Variants in MBLAC1 observed in about 807,000 individuals in gnomAD.
MBLAC1 encodes the protein metallo-beta-lactamase domain containing 1, also known as metallo-beta-lactamase domain-containing protein 1.
MBLAC1 carries 1 observed loss-of-function variant against 1.5 expected under a neutral mutation model. That is an observed-to-expected ratio of 0.68 (90% confidence interval 0.24 to 3.21). MBLAC1 has a LOEUF of 3.21. Ranked by LOEUF, MBLAC1 falls within the 30% of genes most tolerant of loss-of-function variation. The pLI is 0.20. For synonymous variants in MBLAC1, 197 were observed against 191.3 expected (o/e 1.03, Z -0.25); for missense variants, 371 against 384.7 (o/e 0.96, Z 0.30).
chr7:100,127,417 G>T lies in MBLAC1; in HGVS notation c.22G>T (p.Gly8Trp). The part of the protein sequence containing the change: MRTEPLC[G>W]ASPLLVPGDP... Reference sequence around the variant, plus strand: ...CCTCATGCGGACCGAGCCGCTGTGCGGGGCATCCCCTCTGCTGGTGCCCGG... The same window carrying T: ...CCTCATGCGGACCGAGCCGCTGTGCTGGGCATCCCCTCTGCTGGTGCCCGG... Residue 8 changes from glycine to tryptophan, a missense_variant, in exon 2 of 2, where the codon GGG becomes TGG. Transcript: ENST00000398075. This position sits in a 1 kb window ranked among gnomAD's most constrained non-coding sequence, Gnocchi z 4.6. 1.3e-6 allele frequency: 2 copies of T among 1,593,098 alleles called. No individual in the cohort carries two copies. Among genetic ancestry groups the T allele is most frequent in the Non-Finnish European group, 8.5e-7 (1 of 1,177,444 alleles).
chr7:100,128,354 T>A lies in MBLAC1; in HGVS notation c.*158T>A. ...TGCACCTGACACTGCCATCACATCG[T>A]CAGTATCACTGCCTGTCTCTGCCAC... On this transcript the variant is annotated 3_prime_UTR_variant, in exon 2 of 2. Coordinates refer to ENST00000398075, the MANE Select transcript of MBLAC1 (RefSeq NM_203397.3). 1.5e-6 allele frequency: 1 copy of A among 645,724 alleles called. No individual in the cohort carries two copies. The highest frequency in any genetic ancestry group is 2.7e-6 in the Non-Finnish European group (1 of 368,582). 40.0% of individuals were successfully genotyped at this position (645,724 alleles called of 1,614,324 possible). A position where few individuals can be genotyped will look rare whatever the true frequency, so the allele number is the denominator to read the frequency against.
In MBLAC1 at chr7:100,128,301, G is replaced by A; in HGVS notation, c.*105G>A. 9.3e-7 allele frequency: 1 copy of A among 1,074,688 alleles called. No individual in the cohort carries two copies. The allele number at this position is 1,074,688 out of a possible 1,614,324, so 66.6% of individuals were successfully genotyped here. On this transcript the variant is annotated 3_prime_UTR_variant, in exon 2 of 2. Coordinates refer to ENST00000398075, the MANE Select transcript of MBLAC1 (RefSeq NM_203397.3). ...AGGGTGGGAGCTTCCAGCCCTTCCAGGAGGCCAGTTTTCTAGTGAAGACAG... is the reference window on the plus strand; with the variant it reads ...AGGGTGGGAGCTTCCAGCCCTTCCAAGAGGCCAGTTTTCTAGTGAAGACAG...
Position 100,127,419 on chromosome 7 carries a change from G to T in MBLAC1, c.24G>T (p.Gly8=). 1.3e-6 allele frequency: 2 copies of T among 1,593,500 alleles called. No individual in the cohort carries two copies. Among genetic ancestry groups the T allele is most frequent in the Non-Finnish European group, 1.7e-6 (2 of 1,177,676 alleles). MRTEPLC[G]ASPLLVPGDP... ...TCATGCGGACCGAGCCGCTGTGCGGGGCATCCCCTCTGCTGGTGCCCGGCG... is the reference window on the plus strand; with the variant it reads ...TCATGCGGACCGAGCCGCTGTGCGGTGCATCCCCTCTGCTGGTGCCCGGCG... Residue 8 remains glycine (G), a synonymous_variant, in exon 2 of 2, where the codon GGG becomes GGT. Transcript: ENST00000398075. The surrounding 1 kb of genome is among the most constrained non-coding windows in gnomAD (Gnocchi z 4.6).
In MBLAC1 at chr7:100,127,130, G is replaced by A; in HGVS notation, c.-29+66G>A. On this transcript the variant is annotated intron_variant, in intron 1 of 1. Coordinates refer to ENST00000398075, the MANE Select transcript of MBLAC1 (RefSeq NM_203397.3). This position sits in a 1 kb window ranked among gnomAD's most constrained non-coding sequence, Gnocchi z 4.6. ...ATAGCCTTTGGAGGGTGACGGGCAAGGACGTACGTACCGCGAACGGAATGG... is the reference window on the plus strand; with the variant it reads ...ATAGCCTTTGGAGGGTGACGGGCAAAGACGTACGTACCGCGAACGGAATGG... 2.0e-6 allele frequency: 1 copy of A among 510,524 alleles called. No individual in the cohort carries two copies. The highest frequency in any genetic ancestry group is 3.5e-6 in the Non-Finnish European group (1 of 287,532). The allele number at this position is 510,524 out of a possible 1,614,324, so 31.6% of individuals were successfully genotyped here.
rs1198463069 is a variant in MBLAC1, at chr7:100,128,071, G to A, written c.676G>A (p.Val226Met). 2 of 1,612,236 alleles carry A rather than the reference G, an allele frequency of 1.2e-6. No homozygotes were observed. The highest frequency in any genetic ancestry group is 1.7e-6 in the Non-Finnish European group (2 of 1,179,446). Residue 226 changes from valine (V) to methionine (M), a missense_variant, in exon 2 of 2, where the codon GTG (valine) becomes ATG (methionine). Val to Met is a conservative substitution (Grantham distance 21). Transcript: ENST00000398075. The part of the protein sequence containing the change: ...SRKRVLVVAD[V>M]VVPGHGPPFR... ...GAAGAGGGTCCTGGTCGTTGCCGAC[G>A]TGGTCGTACCTGGTCACGGGCCCCC...
chr7:100,127,533 G>T lies in MBLAC1; in HGVS notation c.138G>T (p.Leu46=). The change falls in exon 2 of 2, where the codon CTG becomes CTT. Residue 46 remains leucine (L), a synonymous_variant. Coordinates refer to ENST00000398075, the MANE Select transcript of MBLAC1 (RefSeq NM_203397.3). This position sits in a 1 kb window ranked among gnomAD's most constrained non-coding sequence, Gnocchi z 4.6. ...DAVRADGSVT[L]VLPQTRGPAS... is the part of the protein sequence containing the mutation. ...TGCGCGCCGACGGCTCCGTGACCCT[G>T]GTCCTACCCCAGACCCGGGGCCCGG... is the stretch of plus-strand genomic sequence containing the variant. 2 of 1,551,470 alleles carry T rather than the reference G, an allele frequency of 1.3e-6. No homozygotes were observed. Among genetic ancestry groups the T allele is most frequent in the Non-Finnish European group, 1.7e-6 (2 of 1,156,508 alleles).
In MBLAC1 at chr7:100,127,813, C is replaced by T. The variant is rs1397482197; in HGVS notation, c.418C>T (p.Pro140Ser). 2 of 1,574,522 alleles carry T rather than the reference C, an allele frequency of 1.3e-6. No homozygotes were observed. Among genetic ancestry groups the T allele is most frequent in the African/African-American group, 1.4e-5 (1 of 73,974 alleles). The change falls in exon 2 of 2, where the codon CCC becomes TCC. Residue 140 changes from proline to serine, a missense_variant. Physicochemically the swap from Pro to Ser is moderately conservative, Grantham distance 74. Transcript: ENST00000398075. This position sits in a 1 kb window ranked among gnomAD's most constrained non-coding sequence, Gnocchi z 4.6. Reference sequence around the variant, plus strand: ...GCTGGTCTCGCACGACTTCTGCCTTCCCGGAGGCCGCTACCTGCCCCACGG... The same window carrying T: ...GCTGGTCTCGCACGACTTCTGCCTTTCCGGAGGCCGCTACCTGCCCCACGG... ...ALLVSHDFCL[P>S]GGRYLPHGLG...
Position 100,127,321 on chromosome 7 carries a change from C to G in MBLAC1, c.-28-47C>G. 1 of 1,372,274 alleles carries G rather than the reference C, an allele frequency of 7.3e-7. No individual in the cohort carries two copies. The highest frequency in any genetic ancestry group is 9.7e-7 in the Non-Finnish European group (1 of 1,032,528). The allele number at this position is 1,372,274 out of a possible 1,614,324, so 85.0% of individuals were successfully genotyped here. On this transcript the variant is annotated intron_variant, in intron 1 of 1. Coordinates refer to ENST00000398075, the MANE Select transcript of MBLAC1 (RefSeq NM_203397.3). The surrounding 1 kb of genome is among the most constrained non-coding windows in gnomAD (Gnocchi z 4.6). The stretch of plus-strand genomic sequence containing the variant: ...GGGGCCGAGCGCGGGTGGGGGATCG[C>G]GGAGGGACAGGACGGTCGCCCACTG...
chr7:100,128,138 G>C lies in MBLAC1; in HGVS notation c.743G>C (p.Gly248Ala). Residue 248 changes from glycine (G) to alanine (A), a missense_variant, in exon 2 of 2, where the codon GGT (glycine) becomes GCT (alanine). Physicochemically the swap from Gly to Ala is moderately conservative, Grantham distance 60 (BLOSUM62 0). Transcript: ENST00000398075. ...LREASQPETE[G>A]GGNSQQEPVV... ...GAAGCCTCGCAGCCCGAGACGGAGG[G>C]TGGAGGGAACAGCCAGCAGGAGCCG... 6.2e-7 allele frequency: 1 copy of C among 1,606,430 alleles called. No homozygotes were observed. The highest frequency in any genetic ancestry group is 8.5e-7 in the Non-Finnish European group (1 of 1,176,790).
rs1798233665 is a variant in MBLAC1 at position 100,126,980 on chromosome 7, C to T, written c.-113C>T. On this transcript the variant is annotated 5_prime_UTR_variant, in exon 1 of 2. It adds an upstream start codon to the 5' untranslated region. Coordinates refer to ENST00000398075, the MANE Select transcript of MBLAC1 (RefSeq NM_203397.3). ...GCTTCGGCCGCCATATCTGGGTACA[C>T]GGGAACCGCAGAGGACAAACTCTCA... 1 of 166,924 alleles carries T rather than the reference C, an allele frequency of 6.0e-6. No homozygotes were observed. Among genetic ancestry groups the T allele is most frequent in the Non-Finnish European group, 1.3e-5 (1 of 77,484 alleles). 10.3% of individuals were successfully genotyped at this position (166,924 alleles called of 1,614,324 possible).
In MBLAC1 at chr7:100,128,106, G is replaced by A; in HGVS notation, c.711G>A (p.Val237=). The change falls in exon 2 of 2, where the codon GTG becomes GTA. Residue 237 remains valine, a synonymous_variant. Coordinates refer to ENST00000398075, the MANE Select transcript of MBLAC1 (RefSeq NM_203397.3). ...VVPGHGPPFR[V]LREASQPETE... ...CTGGTCACGGGCCCCCCTTTCGAGT[G>A]TTAAGGGAAGCCTCGCAGCCCGAGA... is the stretch of plus-strand genomic sequence containing the variant. 6.2e-7 allele frequency: 1 copy of A among 1,609,230 alleles called. No homozygotes were observed. Among genetic ancestry groups the A allele is most frequent in the Non-Finnish European group, 8.5e-7 (1 of 1,178,072 alleles).
chr7:100,127,542 C>T lies in MBLAC1; in HGVS notation c.147C>T (p.Pro49=), dbSNP rs776032810. Residue 49 remains proline, a synonymous_variant, in exon 2 of 2, where the codon CCC becomes CCT. Coordinates refer to ENST00000398075, the MANE Select transcript of MBLAC1 (RefSeq NM_203397.3). The surrounding 1 kb of genome is among the most constrained non-coding windows in gnomAD (Gnocchi z 4.6). ...RADGSVTLVL[P]QTRGPASSHR... is the part of the protein sequence containing the mutation. Reference sequence around the variant, plus strand: ...ACGGCTCCGTGACCCTGGTCCTACCCCAGACCCGGGGCCCGGCCTCCAGCC... The same window carrying T: ...ACGGCTCCGTGACCCTGGTCCTACCTCAGACCCGGGGCCCGGCCTCCAGCC... 2.7e-6 allele frequency: 4 copies of T among 1,504,748 alleles called. No individual in the cohort carries two copies. Among genetic ancestry groups the T allele is most frequent in the South Asian group, 1.2e-5 (1 of 80,056 alleles). 93.2% of individuals were successfully genotyped at this position (1,504,748 alleles called of 1,614,324 possible). A position where few individuals can be genotyped will look rare whatever the true frequency, so the allele number is the denominator to read the frequency against.
At position 100,127,952 on chromosome 7, in the gene MBLAC1, C is replaced by T. The variant is rs760410447; in HGVS notation, c.557C>T (p.Thr186Ile). The change falls in exon 2 of 2, where the codon ACC (threonine) becomes ATC (isoleucine). Residue 186 changes from threonine (T) to isoleucine (I), a missense_variant. Coordinates refer to ENST00000398075, the MANE Select transcript of MBLAC1 (RefSeq NM_203397.3). The surrounding 1 kb of genome is among the most constrained non-coding windows in gnomAD (Gnocchi z 4.6). ...SVVVAGTALG[T>I]VVVAGDVFER... ...GTGGTGGCCGGCACGGCTCTGGGCA[C>T]CGTGGTGGTGGCGGGAGATGTGTTT... 11 of 1,604,012 alleles carry T rather than the reference C, an allele frequency of 6.9e-6. No individual in the cohort carries two copies. The highest frequency in any genetic ancestry group is 9.4e-6 in the Non-Finnish European group (11 of 1,175,420).
In MBLAC1 at chr7:100,127,772, TC is replaced by T. The variant is rs1344204471; in HGVS notation, c.380del (p.Pro127GlnfsTer49). On this transcript the variant is annotated frameshift_variant, in exon 2 of 2. Coordinates refer to ENST00000398075, the MANE Select transcript of MBLAC1 (RefSeq NM_203397.3). LOFTEE classifies it low-confidence loss of function (END_TRUNC). This position sits in a 1 kb window ranked among gnomAD's most constrained non-coding sequence, Gnocchi z 4.6. ...GATCACATCGGGAACTTGGGGCTGT[TC>T]CCAGGCGCGGCTCTGCTGGTCTCGC... ...HSDHIGNLGL[F>X]PGAALLVSHD... 4 of 1,560,626 alleles carry T rather than the reference TC, an allele frequency of 2.6e-6. No homozygotes were observed. The African/African-American group carries it at 5.5e-5, about 21-fold the overall frequency.
Position 100,128,261 on chromosome 7 carries a change from GAGTC to G in MBLAC1, c.*68_*71del. Reference sequence around the variant, plus strand: ...TAACAGCGAAGAGCTGCTGGAGACAGAGTCAGAGCAGTCAAGGGTGGGAGCTTCC... The same window carrying G: ...TAACAGCGAAGAGCTGCTGGAGACAGAGAGCAGTCAAGGGTGGGAGCTTCC... On this transcript the variant is annotated 3_prime_UTR_variant, in exon 2 of 2. Transcript: ENST00000398075. 1 of 1,451,876 alleles carries G rather than the reference GAGTC, an allele frequency of 6.9e-7. No homozygotes were observed. Among genetic ancestry groups the G allele is most frequent in the Non-Finnish European group, 9.3e-7 (1 of 1,077,552 alleles). 89.9% of individuals were successfully genotyped at this position (1,451,876 alleles called of 1,614,324 possible).
chr7:100,127,849 G>A lies in MBLAC1; in HGVS notation c.454G>A (p.Gly152Arg), dbSNP rs750521324. The A allele has an allele frequency of 1.9e-6, 3 of 1,561,884 alleles. No homozygotes were observed. The highest frequency in any genetic ancestry group is 2.3e-5 in the South Asian group (2 of 85,674). The change falls in exon 2 of 2, where the codon GGG becomes AGG. Residue 152 changes from glycine to arginine, a missense_variant. By Grantham distance (125) the Gly-to-Arg change is moderately radical. Transcript: ENST00000398075. The surrounding 1 kb of genome is among the most constrained non-coding windows in gnomAD (Gnocchi z 4.6). ...CTACCTGCCCCACGGGCTGGGTGAG[G>A]GGCAGCCCCTGCGCCTGGGCCCGGG... ...GRYLPHGLGEGQPLRLGPGLE... is the reference protein window; with the variant it reads ...GRYLPHGLGERQPLRLGPGLE...
rs757304975 is a variant in MBLAC1 at position 100,127,596 on chromosome 7, C to T, written c.201C>T (p.Gly67=). Residue 67 remains glycine (G), a synonymous_variant, in exon 2 of 2, where the codon GGC becomes GGT. Coordinates refer to ENST00000398075, the MANE Select transcript of MBLAC1 (RefSeq NM_203397.3). The surrounding 1 kb of genome is among the most constrained non-coding windows in gnomAD (Gnocchi z 4.6). ...SHRESPRGSG[G]AEAALEEAAR... is the part of the protein sequence containing the mutation. ...GAGAGTCCCCGCGCGGGAGTGGCGGCGCAGAGGCCGCCCTGGAGGAGGCGG... is the reference window on the plus strand; with the variant it reads ...GAGAGTCCCCGCGCGGGAGTGGCGGTGCAGAGGCCGCCCTGGAGGAGGCGG... 3.3e-5 allele frequency: 46 copies of T among 1,400,836 alleles called. No homozygotes were observed. In the African/African-American group the frequency reaches 6.7e-4, roughly 20 times the overall value. 86.8% of individuals were successfully genotyped at this position (1,400,836 alleles called of 1,614,324 possible).
At position 100,127,666 on chromosome 7, in the gene MBLAC1, G is replaced by A. The variant is rs918436189; in HGVS notation, c.271G>A (p.Glu91Lys). 9.2e-6 allele frequency: 13 copies of A among 1,415,184 alleles called. No homozygotes were observed. In the African/African-American group the frequency reaches 2.0e-4, roughly 21 times the overall value. 87.7% of individuals were successfully genotyped at this position (1,415,184 alleles called of 1,614,324 possible). Residue 91 changes from glutamate to lysine, a missense_variant, in exon 2 of 2, where the codon GAG becomes AAG. By Grantham distance (56) the Glu-to-Lys change is moderately conservative (BLOSUM62 1). Transcript: ENST00000398075. The surrounding 1 kb of genome is among the most constrained non-coding windows in gnomAD (Gnocchi z 4.6). The stretch of plus-strand genomic sequence containing the variant: ...GGACACCGGGGGCCCCTGGGCTCGG[G>A]AGGCGCTGCTGGGGGCGCTGGCGGG... ...LVDTGGPWAR[E>K]ALLGALAGQG...
chr7:100,127,269 A>T lies in MBLAC1; in HGVS notation c.-28-99A>T. The T allele has an allele frequency of 1.1e-6, 1 of 888,264 alleles. No homozygotes were observed. The highest frequency in any genetic ancestry group is 1.7e-6 in the Non-Finnish European group (1 of 604,990). The allele number at this position is 888,264 out of a possible 1,614,324, so 55.0% of individuals were successfully genotyped here. A position where few individuals can be genotyped will look rare whatever the true frequency, so the allele number is the denominator to read the frequency against. ...ACCAACTTAATGGGAGGCGGGTGGCAGAGAACCGAGGCTTAGGGGCAGTGG... is the reference window on the plus strand; with the variant it reads ...ACCAACTTAATGGGAGGCGGGTGGCTGAGAACCGAGGCTTAGGGGCAGTGG... On this transcript the variant is annotated intron_variant, in intron 1 of 1. Coordinates refer to ENST00000398075, the MANE Select transcript of MBLAC1 (RefSeq NM_203397.3). This position sits in a 1 kb window ranked among gnomAD's most constrained non-coding sequence, Gnocchi z 4.6.
Sources: allele counts gnomAD v4.1 joint callset, GRCh38; gene constraint gnomAD v4.1.1; non-coding constraint Gnocchi (gnomAD v3.1); transcripts MANE v1.5; gene names NCBI Gene and HGNC (gene_info 2026-07-23, HGNC 2026-07-21).